Variants in SNX29 observed in about 807,000 individuals in gnomAD.
The protein encoded by SNX29 is sorting nexin 29.
A neutral mutation model predicts 102.1 loss-of-function variants in SNX29; 78 were observed. The ratio of observed to expected loss-of-function variants is 0.76; its 90% CI spans 0.64 to 0.92. The LOEUF (loss-of-function observed/expected upper bound fraction) is 0.92, where lower values mean the gene tolerates loss of function less well. Ranked by LOEUF, SNX29 falls within the 40% of genes least tolerant of loss-of-function variation. SNX29 has a pLI of 0.00. For synonymous variants in SNX29, 580 were observed against 414.5 expected, an observed-to-expected ratio of 1.40 and a Z score of -4.85; for missense variants, 1,280 against 1,061.7, an observed-to-expected ratio of 1.21 and a Z score of -2.86.
At chr16:12,165,423 A>C (rs1234783387) in intron 13 of SNX29, among the ~76,000 whole-genome samples, 3 of 152,280 alleles carry the variant, frequency 2.0e-5, no homozygotes, top group Non-Finnish European at 2.9e-5. Context: ...ACTTATGCCT[A>C]AGAAAAGATG....
At chr16:12,157,317 C>G (rs11647857) in intron 13 of SNX29, among the ~76,000 whole-genome samples, 24,264 of 152,128 alleles carry the variant, frequency 0.16, 2,106 homozygotes, top group East Asian at 0.27. Context: ...CAGCACAGGG[C>G]AGACCTCATG....
chr16:12,260,853 A>T (rs1450640852), intron 14 of SNX29, among the ~76,000 whole-genome samples: 1 of 33,506 alleles, frequency 3.0e-5, no homozygotes, highest in South Asian at 6.6e-4. Context: ...GCTGGAGTGA[A>T]TGTTTGCTCT....
intron 19 of SNX29, among the ~76,000 whole-genome samples, 176 bp downstream of exon 19, chr16:12,478,035 C>T (rs2087736763): frequency 6.6e-6 from 1 of 152,192 alleles, no homozygotes. Context: ...TAAAGATGGT[C>T]ACCATTACGT....
intron 14 of SNX29, among the ~76,000 whole-genome samples, chr16:12,210,073 T>C (rs1226538602): frequency 6.6e-6 from 1 of 152,194 alleles, no homozygotes; most frequent in Non-Finnish European, 1.5e-5. Flanking sequence ...ATCTGTTTTT[T>C]CTTTGGGGAA....
intron 14 of SNX29, among the ~76,000 whole-genome samples, chr16:12,266,664 C>T (rs1184254697): frequency 7.5e-6 from 1 of 133,310 alleles, no homozygotes; most frequent in Non-Finnish European, 1.5e-5. Flanking sequence ...TACTGATCAT[C>T]TGCAATTCCC....
intron 15 of SNX29, among the ~76,000 whole-genome samples, chr16:12,300,225 A>T (rs1220458609): frequency 6.6e-6 from 1 of 152,190 alleles, no homozygotes; most frequent in Non-Finnish European, 1.5e-5. Context: ...CAAGTAACGT[A>T]ATCTCCATGT....
At chr16:12,324,435 TTTTGTTTG>T (rs902614199) in intron 15 of SNX29, among the ~76,000 whole-genome samples, 7 of 152,018 alleles carry the variant, frequency 4.6e-5, no homozygotes, top group African/African-American at 1.7e-4. Context: ...GGCATCTGTT[TTTTGTTTG>T]TTTGTTTGTT....
intron 15 of SNX29, among the ~76,000 whole-genome samples, chr16:12,338,639 A>T (rs2081523355): frequency 6.6e-6 from 1 of 152,210 alleles, no homozygotes; most frequent in Non-Finnish European, 1.5e-5. Flanking sequence ...GTCTCCCAGA[A>T]CACACAGCCC....
At position 12,569,099 on chromosome 16, in the gene SNX29, T is replaced by G. The variant is rs897845226; in HGVS notation, c.*470T>G. On this transcript the variant is annotated 3_prime_UTR_variant, in exon 21 of 21. Transcript: ENST00000566228. ...TGCTTTTTAAGGTTATTACCTGGCC[T>G]AACCTAGGGATGGCTGGCTTTGCGG... is the stretch of plus-strand genomic sequence containing the variant. The G allele has an allele frequency of 2.2e-5, 3 of 134,476 alleles. No individual in the cohort carries two copies. The highest frequency in any genetic ancestry group is 4.2e-5 in the Non-Finnish European group (3 of 71,320). 8.3% of individuals were successfully genotyped at this position (134,476 alleles called of 1,614,324 possible). A position where few individuals can be genotyped will look rare whatever the true frequency, so the allele number is the denominator to read the frequency against.
At chr16:12,011,877 G>T (rs563455102) in intron 3 of SNX29, among the ~76,000 whole-genome samples, 2 of 152,250 alleles carry the variant, frequency 1.3e-5, no homozygotes, top group South Asian at 4.1e-4. Flanking sequence ...ATACTCACTT[G>T]CTAGGGTTAT....
At chr16:12,552,521 C>A (rs1030805565) in intron 20 of SNX29, among the ~76,000 whole-genome samples, 3 of 152,152 alleles carry the variant, frequency 2.0e-5, no homozygotes, top group Admixed American at 6.5e-5. Flanking sequence ...GCCAAATGGG[C>A]CTTCATTTCT....
chr16:12,399,177 A>G (rs1390266003), intron 17 of SNX29, among the ~76,000 whole-genome samples: 1 of 152,036 alleles, frequency 6.6e-6, no homozygotes, highest in Non-Finnish European at 1.5e-5. Context: ...CAGCCTTCCA[A>G]GTAGCTGGGA....
rs778871118 is a variant in SNX29 at position 12,572,688 on chromosome 16, G to A, written c.*4059G>A. On this transcript the variant is annotated 3_prime_UTR_variant, in exon 21 of 21. Coordinates refer to ENST00000566228, the MANE Select transcript of SNX29 (RefSeq NM_032167.5). ...GCAGCACCCACACGGGGGAAGCCCT[G>A]CACTCCAGCAGCATCTTCCAGCCTT... The A allele has an allele frequency of 9.4e-6, 10 of 1,063,588 alleles. No homozygotes were observed. Among genetic ancestry groups the A allele is most frequent in the African/African-American group, 3.3e-5 (2 of 60,948 alleles). The allele number at this position is 1,063,588 out of a possible 1,614,324, so 65.9% of individuals were successfully genotyped here.
At chr16:12,198,193 G>A (rs2076826182) in intron 13 of SNX29, among the ~76,000 whole-genome samples, 1 of 152,124 alleles carries the variant, frequency 6.6e-6, no homozygotes, top group South Asian at 2.1e-4. Flanking sequence ...GTATATACTA[G>A]GTTTTTGCCA....
chr16:12,471,119 C>A (rs371663347), intron 18 of SNX29, among the ~76,000 whole-genome samples: 2 of 152,154 alleles, frequency 1.3e-5, no homozygotes, highest in African/African-American at 4.8e-5. Context: ...TAAAGACGCC[C>A]GTTCCTATGC....
At chr16:11,991,145 G>A (rs1316082537) in intron 1 of SNX29, among the ~76,000 whole-genome samples, 1 of 152,258 alleles carries the variant, frequency 6.6e-6, no homozygotes, top group Non-Finnish European at 1.5e-5. Context: ...AGATGCACAC[G>A]CAGGGCTTAG....
intron 20 of SNX29, among the ~76,000 whole-genome samples, chr16:12,567,520 C>G (rs911710034): frequency 6.6e-6 from 1 of 152,122 alleles, no homozygotes; most frequent in Admixed American, 6.6e-5. Flanking sequence ...CACAGTGGCT[C>G]ACACCTGTAA....
chr16:12,132,008 C>T (rs563318683), intron 13 of SNX29, among the ~76,000 whole-genome samples: 11 of 152,204 alleles, frequency 7.2e-5, no homozygotes, highest in East Asian at 1.9e-4. Context: ...AGAGTTTTGC[C>T]GCATAATTGC....
chr16:12,061,900 G>T (rs966209387), intron 9 of SNX29, among the ~76,000 whole-genome samples: 11 of 152,166 alleles, frequency 7.2e-5, no homozygotes, highest in Non-Finnish European at 1.2e-4. Context: ...AGTCACCAGG[G>T]CCTGCAGGCC....
Sources: allele counts gnomAD v4.1 joint callset (sites outside exome capture counted in the v4.1 genomes callset), GRCh38; gene constraint gnomAD v4.1.1; transcripts MANE v1.5; gene names NCBI Gene and HGNC (gene_info 2026-07-23, HGNC 2026-07-21).